The following MAP3K14 variants were observed in gnomAD, a reference collection of about 807,000 sequenced individuals.
The protein encoded by MAP3K14 is NF-kappa-beta-inducing kinase.
In MAP3K14, 16 loss-of-function variants were observed where a neutral mutation model predicts 99.2. The ratio of observed to expected loss-of-function variants is 0.16; its 90% confidence interval spans 0.11 to 0.24. MAP3K14 has a LOEUF of 0.24. Among genes scored for constraint, MAP3K14 ranks in the 10% least tolerant of loss-of-function variants. The pLI, the probability that MAP3K14 is intolerant of heterozygous loss-of-function variation, is 1.00. For synonymous variants in MAP3K14, 462 were observed against 492.4 expected, an observed-to-expected ratio of 0.94 and a Z score of 0.82; for missense variants, 784 against 1,208.7, an observed-to-expected ratio of 0.65 and a Z score of 5.21.
intron 5 of MAP3K14, among the ~76,000 whole-genome samples, chr17:45,285,719 G>A (rs1331921073): frequency 2.6e-5 from 4 of 152,094 alleles, no homozygotes. Flanking sequence ...ACTTTTGGAG[G>A]CCAATGTGTG....
intron 2 of MAP3K14, among the ~76,000 whole-genome samples, chr17:45,289,685 G>A (rs529803098): frequency 2.6e-5 from 4 of 152,372 alleles, no homozygotes; most frequent in African/African-American, 7.2e-5. Flanking sequence ...ACATATAAGT[G>A]TGGATATATG....
At chr17:45,308,988 AT>A (rs71136078) in intron 1 of MAP3K14, among the ~76,000 whole-genome samples, 76,616 of 150,968 alleles carry the variant, frequency 0.51, 19,814 homozygotes, top group East Asian at 0.73. Context: ...GTTTAAAAAA[AT>A]TTTTTTTTTG....
intron 6 of MAP3K14, among the ~76,000 whole-genome samples, chr17:45,283,569 C>T (rs1035445020): frequency 2.0e-5 from 3 of 152,190 alleles, no homozygotes; most frequent in Non-Finnish European, 2.9e-5. Context: ...GCACCCTGGA[C>T]GGTGGTGGCA....
Position 45,287,698 on chromosome 17 carries a change from T to C in MAP3K14, c.327-334A>G, listed in dbSNP as rs934563163. Among the ~76,000 whole-genome samples, 23 of 152,200 alleles carry C rather than the reference T, an allele frequency of 1.5e-4. 1 individual carries two copies. Among genetic ancestry groups the C allele is most frequent in the Non-Finnish European group, 3.1e-4 (21 of 68,030 alleles). ...TGATGGGGTACAGACTCAGCACTTC[T>C]TGGGGAGAGTCAGGGGAGCAGACAC... is the stretch of plus-strand genomic sequence containing the variant. On this transcript the variant is annotated intron_variant, in intron 3 of 15. Transcript: ENST00000344686.
intron 1 of MAP3K14, among the ~76,000 whole-genome samples, chr17:45,307,598 T>C (rs1449357618): frequency 6.6e-6 from 1 of 152,220 alleles, no homozygotes; most frequent in Non-Finnish European, 1.5e-5. Context: ...TTCCCTAGGC[T>C]ACGGTCAATC....
Position 45,280,299 on chromosome 17 carries a change from CT to C in MAP3K14, c.1290+4512del, listed in dbSNP as rs751994880. On this transcript the variant is annotated intron_variant, in intron 6 of 15. Transcript: ENST00000344686. ...TGCCCATACATGCAACACAGAAACA[CT>C]TTTTTTTTTTTTTTTTTTTTTGAGA... Among the ~76,000 whole-genome samples, 745 of 122,340 alleles carry C rather than the reference CT, an allele frequency of 6.1e-3. 2 individuals are homozygous for C. The highest frequency in any genetic ancestry group is 0.043 in the East Asian group (195 of 4,496). 80.3% of individuals were successfully genotyped at this position (122,340 alleles called of 152,430 possible).
At chr17:45,268,016 T>C (rs2044109877) in intron 11 of MAP3K14, 1 of 435,336 alleles carries the variant, frequency 2.3e-6, no homozygotes. Flanking sequence ...TAGGTATCAG[T>C]AGCAAATTCA....
chr17:45,281,380 G>T (rs1598251783), intron 6 of MAP3K14, among the ~76,000 whole-genome samples: 1 of 144,262 alleles, frequency 6.9e-6, no homozygotes. Context: ...TCTCACTCTG[G>T]TGTTGCCAGG....
At chr17:45,268,562 T>G (rs1407665703) in intron 11 of MAP3K14, 3 of 152,104 alleles carry the variant, frequency 2.0e-5, no homozygotes, top group African/African-American at 7.2e-5. Flanking sequence ...TATTGATCAA[T>G]TTTTAGTTTA....
intron 1 of MAP3K14, among the ~76,000 whole-genome samples, chr17:45,316,336 G>A (rs1341543617): frequency 6.6e-6 from 1 of 152,196 alleles, no homozygotes; most frequent in Non-Finnish European, 1.5e-5. Flanking sequence ...TCCAAGATGG[G>A]AATGTTATAT....
chr17:45,294,175 A>C (rs184773264), intron 1 of MAP3K14, among the ~76,000 whole-genome samples: 2 of 152,358 alleles, frequency 1.3e-5, no homozygotes, highest in East Asian at 3.9e-4. Flanking sequence ...TACTCTCTGC[A>C]TAAGAGTTGA....
In MAP3K14 at chr17:45,266,412, G is replaced by A; in HGVS notation, c.2578+125C>T. 2.3e-6 allele frequency: 3 copies of A among 1,291,376 alleles called. No individual in the cohort carries two copies. The South Asian group carries it at 4.6e-5, about 20-fold the overall frequency. The allele number at this position is 1,291,376 out of a possible 1,614,324, so 80.0% of individuals were successfully genotyped here. On this transcript the variant is annotated intron_variant, in intron 14 of 15. Coordinates refer to ENST00000344686, the MANE Select transcript of MAP3K14 (RefSeq NM_003954.5). The stretch of plus-strand genomic sequence containing the variant: ...TACTGGCCAGGAACCTCAAGTTCTG[G>A]GACCAGGCGCCTTCCTCCCTCCCAC...
intron 1 of MAP3K14, among the ~76,000 whole-genome samples, chr17:45,306,196 G>A (rs1302833143): frequency 2.6e-5 from 4 of 152,164 alleles, no homozygotes; most frequent in Non-Finnish European, 5.9e-5. Flanking sequence ...AAGAAACTGG[G>A]CCTCAGTAGG....
In MAP3K14 at chr17:45,283,317, C is replaced by T. The variant is rs560481561; in HGVS notation, c.1290+1495G>A. Among the ~76,000 whole-genome samples the T allele has an allele frequency of 2.9e-4, 44 of 152,242 alleles. 1 individual carries two copies. The South Asian group carries it at 8.7e-3, about 30-fold the overall frequency. ...AGGTCAGGCACGTGGCCTTGGCCTC[C>T]CCCAGTGGAAGACGATGATCCACAC... is the stretch of plus-strand genomic sequence containing the variant. On this transcript the variant is annotated intron_variant, in intron 6 of 15. Coordinates refer to ENST00000344686, the MANE Select transcript of MAP3K14 (RefSeq NM_003954.5).
At chr17:45,278,394 G>A (rs550207137) in intron 6 of MAP3K14, among the ~76,000 whole-genome samples, 2 of 152,322 alleles carry the variant, frequency 1.3e-5, no homozygotes, top group East Asian at 3.9e-4. Flanking sequence ...AAATGAGGGG[G>A]CTGGACTGCG....
chr17:45,306,032 T>C (rs1015231915), intron 1 of MAP3K14, among the ~76,000 whole-genome samples: 1 of 152,242 alleles, frequency 6.6e-6, no homozygotes, highest in African/African-American at 2.4e-5. Flanking sequence ...GCTATTTGTA[T>C]ACACATAACT....
rs757710496 is a variant in MAP3K14, at chr17:45,284,793, C to T, written c.1290+19G>A. The T allele has an allele frequency of 3.5e-5, 55 of 1,582,174 alleles. No homozygotes were observed. The highest frequency in any genetic ancestry group is 2.7e-4 in the Admixed American group (15 of 56,148). On this transcript the variant is annotated intron_variant, in intron 6 of 15. Transcript: ENST00000344686. ...CTTCCTGGCTTCCCTCTTCACTCAG[C>T]CCCTGAGCCCTGGCGTACCTTTTTG...
At chr17:45,298,817 C>T (rs73303270) in intron 1 of MAP3K14, among the ~76,000 whole-genome samples, 1 of 152,144 alleles carries the variant, frequency 6.6e-6, no homozygotes, top group African/African-American at 2.4e-5. Flanking sequence ...CTGGGGGAAA[C>T]AGACAAGAAG....
intron 15 of MAP3K14, 147 bp from the exon 16 acceptor site, chr17:45,264,947 G>T: frequency 1.1e-6 from 1 of 919,416 alleles, no homozygotes; most frequent in Non-Finnish European, 1.6e-6. Flanking sequence ...ATCCCACCCG[G>T]CTCAAGTGTA....
Sources: gnomAD v4.1 joint callset for allele counts (sites outside exome capture counted in the v4.1 genomes callset) on GRCh38, gnomAD v4.1.1 for gene constraint, MANE v1.5 for transcripts, NCBI Gene and HGNC (gene_info 2026-07-23, HGNC 2026-07-21) for gene names.